The following DNAH14 variants were observed in gnomAD, a reference collection of about 807,000 sequenced individuals.
The protein encoded by DNAH14 is axonemal beta dynein heavy chain 14.
A neutral mutation model predicts 520.9 loss-of-function variants in DNAH14; 478 were observed. That is an observed-to-expected ratio of 0.92 (90% confidence interval 0.85 to 0.99). The LOEUF is 0.99. Ranked by LOEUF, DNAH14 falls within the 50% of genes least tolerant of loss-of-function variation. The pLI, the probability that DNAH14 is intolerant of heterozygous loss-of-function variation, is 0.00. For missense variants in DNAH14, 4,831 were observed against 5,234.5 expected, an observed-to-expected ratio of 0.92 and a Z score of 2.38; for synonymous variants, 1,581 against 1,757.2, an observed-to-expected ratio of 0.90 and a Z score of 2.51.
chr1:225,100,282 C>T (rs900712854), intron 22 of DNAH14, among the ~76,000 whole-genome samples: 3 of 152,024 alleles, frequency 2.0e-5, no homozygotes, highest in Non-Finnish European at 4.4e-5. Context: ...AAGCTGAATG[C>T]CCCCTCTGTC....
intron 43 of DNAH14, among the ~76,000 whole-genome samples, chr1:225,244,005 T>C (rs1000814250): frequency 6.6e-6 from 1 of 152,176 alleles, no homozygotes; most frequent in African/African-American, 2.4e-5. Context: ...CTCTTATTAT[T>C]TTGAGATGTG....
At chr1:225,335,140 C>T (rs111068382) in intron 66 of DNAH14, among the ~76,000 whole-genome samples, 64 of 109,262 alleles carry the variant, frequency 5.9e-4, no homozygotes, top group Non-Finnish European at 7.4e-4. Flanking sequence ...TGTGCATGTG[C>T]ACATGTGTAC....
At chr1:224,945,349 C>G (rs1362009641) in intron 1 of DNAH14, among the ~76,000 whole-genome samples, 1 of 152,158 alleles carries the variant, frequency 6.6e-6, no homozygotes, top group African/African-American at 2.4e-5. Context: ...TCCATCAGCT[C>G]CTTTAAGGAC....
intron 11 of DNAH14, among the ~76,000 whole-genome samples, chr1:225,027,625 G>A (rs905519166): frequency 6.6e-6 from 1 of 152,074 alleles, no homozygotes; most frequent in South Asian, 2.1e-4. Context: ...AGGAGGAAGA[G>A]ATGTAGGGGG....
intron 47 of DNAH14, among the ~76,000 whole-genome samples, chr1:225,264,482 G>T (rs1302533660): frequency 6.6e-6 from 1 of 152,076 alleles, no homozygotes; most frequent in East Asian, 1.9e-4. Flanking sequence ...GATATAATAG[G>T]TATATTACCT....
chr1:225,396,034 C>A (rs1232443221), intron 84 of DNAH14: 1 of 152,156 alleles, frequency 6.6e-6, no homozygotes, highest in Non-Finnish European at 1.5e-5. Flanking sequence ...TCTAATTCTG[C>A]TAGAACTCCA....
chr1:225,165,776 G>C (rs183323462), intron 35 of DNAH14, among the ~76,000 whole-genome samples: 1 of 151,944 alleles, frequency 6.6e-6, no homozygotes, highest in Non-Finnish European at 1.5e-5. Flanking sequence ...GTAGAGACAA[G>C]GTTTTGCCGT....
chr1:225,051,605 C>A lies in DNAH14; in HGVS notation c.2234C>A (p.Ala745Asp). ...GAATTAACTTCAAAAGAATTTGAAG[C>A]TATTCTAAATAGATTCAGAAACTAT... ...MGELTSKEFE[A>D]ILNRFRNYFR... Residue 745 changes from alanine (A) to aspartate (D), a missense_variant, in exon 17 of 86, where the codon GCT (alanine) becomes GAT (aspartate). By Grantham distance (126) the Ala-to-Asp change is moderately radical. Coordinates refer to ENST00000682510, the MANE Select transcript of DNAH14 (RefSeq NM_001367479.1). The A allele has an allele frequency of 1.3e-6, 2 of 1,550,498 alleles. No homozygotes were observed. Among genetic ancestry groups the A allele is most frequent in the South Asian group, 2.4e-5 (2 of 83,890 alleles).
At chr1:225,382,856 A>T (rs551224425) in intron 81 of DNAH14, among the ~76,000 whole-genome samples, 1 of 152,342 alleles carries the variant, frequency 6.6e-6, no homozygotes, top group South Asian at 2.1e-4. Flanking sequence ...ATGAAATATT[A>T]TTCAGCCAGC....
intron 68 of DNAH14, among the ~76,000 whole-genome samples, chr1:225,339,402 C>T (rs2095133276): frequency 6.6e-6 from 1 of 152,118 alleles, no homozygotes; most frequent in Admixed American, 6.5e-5. Context: ...ATAGGTATCA[C>T]TCAAAAAAGG....
intron 23 of DNAH14, among the ~76,000 whole-genome samples, chr1:225,104,585 G>T (rs2075842100): frequency 6.6e-6 from 1 of 152,106 alleles, no homozygotes; most frequent in Non-Finnish European, 1.5e-5. Flanking sequence ...TCTATTCAGA[G>T]ATTCAACTTC....
At position 224,955,013 on chromosome 1, in the gene DNAH14, A is replaced by G; in HGVS notation, c.132A>G (p.Gln44=). ...AAGATGTGAAACCATTAGAGACTCA[A>G]CCAGCTGAAATAGCAGAAAAGGAAA... is the stretch of plus-strand genomic sequence containing the variant. ...KYEDVKPLET[Q]PAEIAEKETL... is the part of the protein sequence containing the mutation. The change falls in exon 3 of 86, where the codon CAA becomes CAG. Residue 44 remains glutamine, a synonymous_variant. Coordinates refer to ENST00000682510, the MANE Select transcript of DNAH14 (RefSeq NM_001367479.1). 6.2e-7 allele frequency: 1 copy of G among 1,610,884 alleles called. No individual in the cohort carries two copies. Among genetic ancestry groups the G allele is most frequent in the Middle Eastern group, 1.7e-4 (1 of 6,048 alleles).
At chr1:224,993,848 A>G (rs1349116646) in intron 8 of DNAH14, among the ~76,000 whole-genome samples, 1 of 151,878 alleles carries the variant, frequency 6.6e-6, no homozygotes, top group Non-Finnish European at 1.5e-5. Context: ...AACTCCTTTT[A>G]CTGCATCCCA....
At chr1:225,337,061 A>G (rs565884675) in intron 66 of DNAH14, among the ~76,000 whole-genome samples, 1 of 152,242 alleles carries the variant, frequency 6.6e-6, no homozygotes, top group African/African-American at 2.4e-5. Flanking sequence ...CTTATTGTTG[A>G]ACACAAAAGT....
At chr1:225,100,098 T>A (rs2148719733) in intron 22 of DNAH14, among the ~76,000 whole-genome samples, 1 of 152,262 alleles carries the variant, frequency 6.6e-6, no homozygotes, top group African/African-American at 2.4e-5. Context: ...GCTTATCACA[T>A]CACATGTGGG....
intron 69 of DNAH14, among the ~76,000 whole-genome samples, chr1:225,342,003 T>A (rs958307783): frequency 2.6e-5 from 4 of 152,188 alleles, no homozygotes; most frequent in Non-Finnish European, 5.9e-5. Context: ...CGCCACAGAC[T>A]TACTGAATCT....
intron 55 of DNAH14, among the ~76,000 whole-genome samples, chr1:225,290,695 T>A (rs1462441755): frequency 7.2e-5 from 8 of 111,632 alleles, no homozygotes; most frequent in African/African-American, 9.3e-5. Flanking sequence ...ATATATATAT[T>A]TCCTCCAAGT....
intron 37 of DNAH14, among the ~76,000 whole-genome samples, chr1:225,185,648 C>T (rs567998846): frequency 9.9e-5 from 15 of 151,894 alleles, no homozygotes; most frequent in African/African-American, 3.6e-4. Flanking sequence ...ATCTAGGCAT[C>T]TTAATAAATG....
At chr1:225,336,659 C>T (rs911930366) in intron 66 of DNAH14, among the ~76,000 whole-genome samples, 2 of 152,146 alleles carry the variant, frequency 1.3e-5, no homozygotes, top group African/African-American at 4.8e-5. Flanking sequence ...GCAGCTGACA[C>T]GTTATATGCA....
Sources: gnomAD v4.1 joint callset for allele counts (sites outside exome capture counted in the v4.1 genomes callset) on GRCh38, gnomAD v4.1.1 for gene constraint, MANE v1.5 for transcripts, NCBI Gene and HGNC (gene_info 2026-07-23, HGNC 2026-07-21) for gene names.